ISX: variants seen among roughly 807,000 people sequenced by gnomAD.
The protein encoded by ISX is intestine specific homeobox.
A neutral mutation model predicts 16.9 loss-of-function variants in ISX; 15 were observed. That is an observed-to-expected ratio of 0.89 (90% CI 0.59 to 1.36). The LOEUF (loss-of-function observed/expected upper bound fraction) is 1.36, where lower values mean the gene tolerates loss of function less well. Ranked by LOEUF, ISX falls within the 40% of genes most tolerant of loss-of-function variation. The probability of loss-of-function intolerance (pLI) is 0.00; values close to 1 mark genes in which losing one functional copy is unlikely to be tolerated. For synonymous variants in ISX, 125 were observed against 119.7 expected (o/e 1.04, Z -0.29); for missense variants, 316 against 306.1 (o/e 1.03, Z -0.24).
rs771415858 is a variant in ISX, at chr22:35,082,664, G to A, written c.376G>A (p.Val126Met). ...AARINLPEARVQIWFQNQRAK... is the reference protein window; with the variant it reads ...AARINLPEARMQIWFQNQRAK... ...CAGGATCAACCTCCCAGAAGCTCGG[G>A]TGCAGGTACAGCCATCCCTACCTCA... Residue 126 changes from valine to methionine, a missense_variant, in exon 3 of 5, where the codon GTG (valine) becomes ATG (methionine). By Grantham distance (21) the Val-to-Met change is conservative. Coordinates refer to ENST00000404699, the MANE Select transcript of ISX (RefSeq NM_001303508.2). The A allele has an allele frequency of 5.7e-5, 92 of 1,613,934 alleles. No homozygotes were observed. The highest frequency in any genetic ancestry group is 7.0e-5 in the Non-Finnish European group (83 of 1,180,002).
At chr22:35,076,230 C>T (rs1928976750) in intron 2 of ISX, among the ~76,000 whole-genome samples, 1 of 152,082 alleles carries the variant, frequency 6.6e-6, no homozygotes, top group African/African-American at 2.4e-5. Flanking sequence ...ACAAGGAATT[C>T]CAGACTCAGG....
intron 2 of ISX, 143 bp from the exon 3 acceptor site, chr22:35,082,375 C>T (rs963313306): frequency 2.4e-5 from 18 of 739,502 alleles, no homozygotes; most frequent in Non-Finnish European, 3.6e-5. Context: ...AAAGAGAATA[C>T]TGTGAAGCTC....
chr22:35,084,234 T>A (rs1352200437), intron 3 of ISX, 149 bp from the exon 4 acceptor site: 1 of 547,028 alleles, frequency 1.8e-6, no homozygotes, highest in Non-Finnish European at 3.2e-6. Flanking sequence ...AAAGCTGACC[T>A]CCAGATCCAA....
intron 2 of ISX, among the ~76,000 whole-genome samples, chr22:35,075,764 G>T (rs1234379226): frequency 6.6e-6 from 1 of 152,180 alleles, no homozygotes; most frequent in Non-Finnish European, 1.5e-5. Flanking sequence ...CCTAGAGAGT[G>T]CTAAGCCAGT....
chr22:35,078,163 T>G (rs927616723), intron 2 of ISX, among the ~76,000 whole-genome samples: 7 of 99,786 alleles, frequency 7.0e-5, no homozygotes, highest in African/African-American at 2.9e-4. Context: ...ATCTTCCCTT[T>G]TGTAATTTTT....
intron 2 of ISX, among the ~76,000 whole-genome samples, chr22:35,068,334 C>T (rs56344544): frequency 0.084 from 12,758 of 152,180 alleles, 629 homozygotes; most frequent in Middle Eastern, 0.14. Context: ...TCCCCACCAA[C>T]GAGGCAAGTC....
chr22:35,076,718 G>A (rs562289665), intron 2 of ISX, among the ~76,000 whole-genome samples: 21 of 152,316 alleles, frequency 1.4e-4, no homozygotes, highest in South Asian at 4.2e-4. Context: ...GGTGCTGAGC[G>A]AGGAGAAACA....
chr22:35,084,479 C>T lies in ISX; in HGVS notation c.478C>T (p.Pro160Ser), dbSNP rs145896632. 42 of 1,611,752 alleles carry T rather than the reference C, an allele frequency of 2.6e-5. No homozygotes were observed. Among genetic ancestry groups the T allele is most frequent in the Non-Finnish European group, 3.3e-5 (39 of 1,178,588 alleles). The change falls in exon 4 of 5, where the codon CCC (proline) becomes TCC (serine). Residue 160 changes from proline to serine, a missense_variant. Pro to Ser is a moderately conservative substitution (Grantham distance 74). Transcript: ENST00000404699. The stretch of plus-strand genomic sequence containing the variant: ...GCTGAGTGAAGCCAGTGTGGCCCTG[C>T]CCACAAATCTGGATGTGGCTGTAAG... ...QQLSEASVAL[P>S]TNLDVAGPTW...
chr22:35,079,171 TGAGTG>T (rs1294928650), intron 2 of ISX, among the ~76,000 whole-genome samples: 4 of 152,244 alleles, frequency 2.6e-5, no homozygotes, highest in African/African-American at 4.8e-5. Flanking sequence ...TATTTTTCAC[TGAGTG>T]TCTACTCCAA....
At chr22:35,068,854 G>A (rs1928774634) in intron 2 of ISX, among the ~76,000 whole-genome samples, 1 of 152,170 alleles carries the variant, frequency 6.6e-6, no homozygotes, top group South Asian at 2.1e-4. Flanking sequence ...TCACACTTGG[G>A]AGCCCAACTT....
At chr22:35,069,440 A>G (rs148294912) in intron 2 of ISX, among the ~76,000 whole-genome samples, 1 of 152,272 alleles carries the variant, frequency 6.6e-6, no homozygotes, top group East Asian at 1.9e-4. Context: ...TCTGGCCTCA[A>G]TCTCCCCACC....
chr22:35,078,203 A>T lies in ISX; in HGVS notation c.230-4315A>T, dbSNP rs1481713469. 6.8e-5 allele frequency among the ~76,000 whole-genome samples: 10 copies of T among 148,098 alleles called. No homozygotes were observed. In the Admixed American group the frequency reaches 6.8e-4, roughly 10 times the overall value. On this transcript the variant is annotated intron_variant, in intron 2 of 4. Transcript: ENST00000404699. Reference sequence around the variant, plus strand: ...TTTTTGCAGCTTCCTACAGAACTGCACTATATCATTTACTATCATCTAATA... The same window carrying T: ...TTTTTGCAGCTTCCTACAGAACTGCTCTATATCATTTACTATCATCTAATA...
At chr22:35,080,822 C>T (rs1929107598) in intron 2 of ISX, among the ~76,000 whole-genome samples, 1 of 152,204 alleles carries the variant, frequency 6.6e-6, no homozygotes, top group Admixed American at 6.5e-5. Context: ...AGGGCAGTTC[C>T]CAGGAAAGAG....
At chr22:35,070,225 A>G (rs1158339615) in intron 2 of ISX, among the ~76,000 whole-genome samples, 3 of 152,184 alleles carry the variant, frequency 2.0e-5, no homozygotes, top group Middle Eastern at 3.2e-3. Flanking sequence ...TTCATGATCT[A>G]TAGGTTGGAC....
chr22:35,067,383 A>G (rs1215255993), intron 2 of ISX, 67 bp downstream of exon 2: 12 of 1,130,656 alleles, frequency 1.1e-5, no homozygotes, highest in Non-Finnish European at 1.5e-5. Context: ...TCAGGCAGAG[A>G]AAAAGCTTCT....
chr22:35,084,414 G>A lies in ISX; in HGVS notation c.413G>A (p.Arg138Gln), dbSNP rs184840753. 9.6e-5 allele frequency: 155 copies of A among 1,613,972 alleles called. No individual in the cohort carries two copies. Among genetic ancestry groups the A allele is most frequent in the Middle Eastern group, 8.3e-4 (5 of 6,060 alleles). The change falls in exon 4 of 5, where the codon CGG becomes CAG. Residue 138 changes from arginine to glutamine, a missense_variant. Transcript: ENST00000404699. ...IWFQNQRAKWRKQEKIGNLGA... is the reference protein window; with the variant it reads ...IWFQNQRAKWQKQEKIGNLGA... ...TTCCAGAATCAGCGAGCCAAGTGGC[G>A]GAAGCAGGAGAAGATTGGCAACCTG...
chr22:35,080,601 CAA>C (rs1929101839), intron 2 of ISX, among the ~76,000 whole-genome samples: 1 of 152,194 alleles, frequency 6.6e-6, no homozygotes, highest in Admixed American at 6.5e-5. Flanking sequence ...AGCAGCATGA[CAA>C]GAGAGATGGT....
Position 35,086,165 on chromosome 22 carries a change from G to A in ISX, c.*472G>A. 1 of 231,520 alleles carries A rather than the reference G, an allele frequency of 4.3e-6. No homozygotes were observed. The highest frequency in any genetic ancestry group is 8.6e-6 in the Non-Finnish European group (1 of 116,762). The allele number at this position is 231,520 out of a possible 1,614,324, so 14.3% of individuals were successfully genotyped here. The stretch of plus-strand genomic sequence containing the variant: ...GCATGCATTCATCCGTGACACATGA[G>A]TACCTACTGAGGACTCCATAAACAG... On this transcript the variant is annotated 3_prime_UTR_variant, in exon 5 of 5. Coordinates refer to ENST00000404699, the MANE Select transcript of ISX (RefSeq NM_001303508.2).
intron 3 of ISX, among the ~76,000 whole-genome samples, chr22:35,083,755 A>T (rs538757638): frequency 6.6e-6 from 1 of 152,278 alleles, no homozygotes; most frequent in South Asian, 2.1e-4. Flanking sequence ...TCCCATCTAG[A>T]ATCAGGCACT....
Sources: gnomAD v4.1 joint callset for allele counts (sites outside exome capture counted in the v4.1 genomes callset) on GRCh38, gnomAD v4.1.1 for gene constraint, MANE v1.5 for transcripts, NCBI Gene and HGNC (gene_info 2026-07-23, HGNC 2026-07-21) for gene names.